ASTN1: variants seen among roughly 807,000 people sequenced by gnomAD.
ASTN1 encodes the protein astrotactin 1.
ASTN1 carries 41 observed loss-of-function variants against 140.7 expected under a neutral mutation model. The observed-to-expected ratio is 0.29, with a 90% CI of 0.23 to 0.38. The LOEUF (loss-of-function observed/expected upper bound fraction) is 0.38, where lower values mean the gene tolerates loss of function less well. Ranked by LOEUF, ASTN1 falls within the 10% of genes least tolerant of loss-of-function variation. The pLI, the probability that ASTN1 is intolerant of heterozygous loss-of-function variation, is 1.00. For missense variants in ASTN1, 1,479 were observed against 1,678.8 expected (o/e 0.88, Z 2.08); for synonymous variants, 640 against 652.2 (o/e 0.98, Z 0.29).
chr1:176,949,163 C>A (rs1268916159), intron 12 of ASTN1, 22 bp downstream of exon 12: 7 of 1,612,616 alleles, frequency 4.3e-6, no homozygotes, highest in Non-Finnish European at 5.9e-6. Flanking sequence ...CGCCAGGTGG[C>A]CTCGCTGGCA....
chr1:177,072,861 C>T (rs2861887), intron 1 of ASTN1, among the ~76,000 whole-genome samples: 69,082 of 151,978 alleles, frequency 0.45, 17,166 homozygotes, highest in Non-Finnish European at 0.57. Flanking sequence ...GTTTGAATGT[C>T]TGTGTTCATA....
intron 1 of ASTN1, among the ~76,000 whole-genome samples, chr1:177,084,722 G>T (rs968331432): frequency 6.6e-6 from 1 of 151,574 alleles, no homozygotes; most frequent in Non-Finnish European, 1.5e-5. Context: ...CTTTCTCACG[G>T]CTTGGTCTAA....
At chr1:177,048,233 C>T (rs891824873) in intron 2 of ASTN1, among the ~76,000 whole-genome samples, 2 of 152,272 alleles carry the variant, frequency 1.3e-5, no homozygotes, top group African/African-American at 2.4e-5. Flanking sequence ...GTACCTCGGA[C>T]GAGCCTCTCC....
At chr1:177,012,668 C>T (rs1458966931) in intron 8 of ASTN1, among the ~76,000 whole-genome samples, 1 of 152,198 alleles carries the variant, frequency 6.6e-6, no homozygotes, top group African/African-American at 2.4e-5. Flanking sequence ...CATCCTAAGA[C>T]TGTCTCTACA....
At chr1:177,004,498 A>G (rs561572431) in intron 8 of ASTN1, among the ~76,000 whole-genome samples, 1 of 152,260 alleles carries the variant, frequency 6.6e-6, no homozygotes, top group African/African-American at 2.4e-5. Flanking sequence ...CAACAACAAC[A>G]ACAACAAAAG....
At chr1:177,003,354 T>C (rs1447547267) in intron 8 of ASTN1, among the ~76,000 whole-genome samples, 11 of 151,374 alleles carry the variant, frequency 7.3e-5, no homozygotes, top group Admixed American at 7.2e-4. Flanking sequence ...AGTCAATAAA[T>C]GTGATTCATC....
chr1:176,907,172 G>A (rs1447396652), intron 16 of ASTN1, among the ~76,000 whole-genome samples: 1 of 152,170 alleles, frequency 6.6e-6, no homozygotes, highest in Non-Finnish European at 1.5e-5. Context: ...CATGGAGCTG[G>A]AGAATCTGCA....
chr1:176,877,652 A>T (rs1306719087), intron 20 of ASTN1, among the ~76,000 whole-genome samples: 1 of 152,218 alleles, frequency 6.6e-6, no homozygotes, highest in East Asian at 1.9e-4. Flanking sequence ...CAACCATGGC[A>T]ATCAGCTCTG....
chr1:176,897,082 C>T (rs545905723), intron 16 of ASTN1, among the ~76,000 whole-genome samples: 1 of 152,038 alleles, frequency 6.6e-6, no homozygotes. Flanking sequence ...CGAGACCAGC[C>T]TGGCCAACAT....
chr1:177,046,263 T>C lies in ASTN1; in HGVS notation c.472-13414A>G, dbSNP rs546297865. 1.8e-4 allele frequency among the ~76,000 whole-genome samples: 27 copies of C among 152,288 alleles called. 1 individual carries two copies. Among genetic ancestry groups the C allele is most frequent in the African/African-American group, 1.9e-4 (8 of 41,558 alleles). On this transcript the variant is annotated intron_variant, in intron 2 of 22. Transcript: ENST00000361833. The stretch of plus-strand genomic sequence containing the variant: ...TCAGCAAAGTATAACACAATGTAAG[T>C]TGAGTGAGAATGACCTTATTATAGG...
intron 2 of ASTN1, among the ~76,000 whole-genome samples, chr1:177,034,153 T>G (rs1676592319): frequency 6.6e-6 from 1 of 151,954 alleles, no homozygotes; most frequent in Admixed American, 6.6e-5. Flanking sequence ...TTTTCCAGTC[T>G]CATAATAATT....
chr1:177,118,854 T>A (rs886253290), intron 1 of ASTN1, among the ~76,000 whole-genome samples: 1 of 152,150 alleles, frequency 6.6e-6, no homozygotes, highest in Non-Finnish European at 1.5e-5. Context: ...CACCTTCTAG[T>A]TGGGGGACTG....
chr1:176,952,085 T>C (rs924477870), intron 11 of ASTN1, among the ~76,000 whole-genome samples: 5 of 152,186 alleles, frequency 3.3e-5, no homozygotes, highest in African/African-American at 1.2e-4. Context: ...TCTAGTATGA[T>C]AAAATCTGGA....
intron 3 of ASTN1, among the ~76,000 whole-genome samples, chr1:177,031,873 C>T (rs1272665473): frequency 6.6e-6 from 1 of 152,178 alleles, no homozygotes; most frequent in Non-Finnish European, 1.5e-5. Flanking sequence ...ATTAGTTCTT[C>T]CAGTCAGTGT....
chr1:177,054,023 A>T (rs1182663518), intron 2 of ASTN1, among the ~76,000 whole-genome samples: 1 of 152,234 alleles, frequency 6.6e-6, no homozygotes, highest in East Asian at 1.9e-4. Context: ...AAAGTCAACA[A>T]AACATCAAAA....
intron 8 of ASTN1, among the ~76,000 whole-genome samples, chr1:177,004,152 T>C (rs1159808350): frequency 1.3e-5 from 2 of 152,126 alleles, no homozygotes; most frequent in Non-Finnish European, 2.9e-5. Flanking sequence ...TGTATACAAA[T>C]TATTGGCACT....
At chr1:177,119,846 C>CTTAA (rs1298793780) in intron 1 of ASTN1, among the ~76,000 whole-genome samples, 2 of 152,158 alleles carry the variant, frequency 1.3e-5, no homozygotes, top group African/African-American at 4.8e-5. Context: ...AAGGATGTCC[C>CTTAA]TTAACATCCC....
chr1:177,157,822 A>C (rs1223289347), intron 1 of ASTN1, among the ~76,000 whole-genome samples: 1 of 152,012 alleles, frequency 6.6e-6, no homozygotes, highest in Admixed American at 6.6e-5. Context: ...TTCTTAAACA[A>C]TATGTTATTT....
Position 176,861,203 on chromosome 1 carries a change from G to A in ASTN1, c.*3081C>T. ...TCTTTCTTCCTTCTGCAGTAGTAAA[G>A]TGTTTTTCTTCATACTCAGTTTTTT... On this transcript the variant is annotated 3_prime_UTR_variant, in exon 23 of 23. Transcript: ENST00000361833. 1.0e-6 allele frequency: 1 copy of A among 971,864 alleles called. No homozygotes were observed. Among genetic ancestry groups the A allele is most frequent in the African/African-American group, 1.8e-5 (1 of 56,996 alleles). 60.2% of individuals were successfully genotyped at this position (971,864 alleles called of 1,614,324 possible). A position where few individuals can be genotyped will look rare whatever the true frequency, so the allele number is the denominator to read the frequency against.
Sources: gnomAD v4.1 joint callset for allele counts (sites outside exome capture counted in the v4.1 genomes callset) on GRCh38, gnomAD v4.1.1 for gene constraint, MANE v1.5 for transcripts, NCBI Gene and HGNC (gene_info 2026-07-23, HGNC 2026-07-21) for gene names.